The following RSKR variants were observed in gnomAD, a reference collection of about 807,000 sequenced individuals.
The protein encoded by RSKR is ribosomal protein S6 kinase-related protein.
RSKR carries 44 observed loss-of-function variants against 56.8 expected under a neutral mutation model. The observed-to-expected ratio is 0.77, with a 90% CI of 0.61 to 1.00. The LOEUF is 1.00. Ranked by LOEUF, RSKR falls within the 50% of genes least tolerant of loss-of-function variation. RSKR has a pLI of 0.00. For synonymous variants in RSKR, 181 were observed against 188.0 expected (o/e 0.96, Z 0.30); for missense variants, 510 against 506.9 (o/e 1.01, Z -0.06).
At chr17:28,612,922 TGAGAGCTGATACTTTTC>T in intron 4 of RSKR, 139 bp downstream of exon 4, 1 of 840,700 alleles carries the variant, frequency 1.2e-6, no homozygotes, top group East Asian at 2.5e-5. Flanking sequence ...AAAACTGTGT[TGAGAGCTGATACTTTTC>T]CCAGGATCTA....
rs748847412 is a variant in RSKR, at chr17:28,613,352, A to T, written c.325-7T>A. 3.1e-6 allele frequency: 5 copies of T among 1,614,220 alleles called. No individual in the cohort carries two copies. Among genetic ancestry groups the T allele is most frequent in the Non-Finnish European group, 2.5e-6 (3 of 1,180,038 alleles). On this transcript the variant is annotated splice_region_variant and splice_polypyrimidine_tract_variant and intron_variant, in intron 2 of 11. Transcript: ENST00000301037. Reference sequence around the variant, plus strand: ...TAGCCACGAGGCCTAAAATCTGTACAGAGGAATGGAGAACAGGCCAGTTGA... The same window carrying T: ...TAGCCACGAGGCCTAAAATCTGTACTGAGGAATGGAGAACAGGCCAGTTGA...
chr17:28,611,023 T>C, intron 11 of RSKR, 120 bp downstream of exon 11: 1 of 850,740 alleles, frequency 1.2e-6, no homozygotes, highest in Non-Finnish European at 1.8e-6. Context: ...AGTAGTTAGG[T>C]AGTTAAGTTG....
At chr17:28,612,737 T>TA in intron 4 of RSKR, 50 bp from the exon 5 acceptor site, 1 of 1,577,842 alleles carries the variant, frequency 6.3e-7, no homozygotes, top group Non-Finnish European at 8.7e-7. Context: ...TCATTGAGAA[T>TA]AAAGGCAGCT....
At chr17:28,612,388 A>G (rs1426677647) in intron 5 of RSKR, 22 bp from the exon 6 acceptor site, 1 of 1,609,104 alleles carries the variant, frequency 6.2e-7, no homozygotes, top group Admixed American at 1.7e-5. Flanking sequence ...GTGTGGAGCT[A>G]CATACATTGC....
chr17:28,611,905 CA>C, intron 7 of RSKR, 110 bp from the exon 8 acceptor site: 1 of 1,611,112 alleles, frequency 6.2e-7, no homozygotes, highest in Non-Finnish European at 8.5e-7. Flanking sequence ...AATCTATACT[CA>C]GAGAGCCCTT....
Position 28,612,653 on chromosome 17 carries a change from C to G in RSKR, c.512G>C (p.Gly171Ala). 1 of 1,614,124 alleles carries G rather than the reference C, an allele frequency of 6.2e-7. No individual in the cohort carries two copies. The highest frequency in any genetic ancestry group is 8.5e-7 in the Non-Finnish European group (1 of 1,180,026). Residue 171 changes from glycine to alanine, a missense_variant, in exon 5 of 12, where the codon GGG becomes GCG. Physicochemically the swap from Gly to Ala is moderately conservative, Grantham distance 60. Coordinates refer to ENST00000301037, the MANE Select transcript of RSKR (RefSeq NM_001174103.2). ...QINHPFVHSL[G>A]DSWQGKRHLF... ...GTGCCGTTTTCCCTGCCAGCTGTCC[C>G]CCAAGCTGTGTACAAAGGGATGGTT... is the stretch of plus-strand genomic sequence containing the variant.
intron 4 of RSKR, 61 bp downstream of exon 4, chr17:28,613,017 G>A: frequency 6.4e-7 from 1 of 1,562,376 alleles, no homozygotes; most frequent in African/African-American, 1.4e-5. Context: ...GGGCAAGAAA[G>A]GTACTTTCCC....
chr17:28,613,807 G>C, intron 1 of RSKR, 119 bp from the exon 2 acceptor site: 2 of 1,410,232 alleles, frequency 1.4e-6, no homozygotes. Flanking sequence ...TTTTGAGCAT[G>C]AGGCAAAATT....
chr17:28,611,192 G>C lies in RSKR; in HGVS notation c.962C>G (p.Ser321Cys), dbSNP rs754608879. Residue 321 changes from serine to cysteine, a missense_variant, in exon 11 of 12, where the codon TCT (serine) becomes TGT (cysteine). Ser to Cys is a moderately radical substitution (Grantham distance 112, BLOSUM62 -1). Transcript: ENST00000301037. The stretch of plus-strand genomic sequence containing the variant: ...CTGGTTAAGAGAAGCTGGGATCTCA[G>C]AGTCACTGTGGGTCACACTTGCCAA... ...AMLASVTHSD[S>C]EIPASLNQGL... 2.0e-6 allele frequency: 3 copies of C among 1,536,180 alleles called. No individual in the cohort carries two copies. The South Asian group carries it at 3.6e-5, about 18-fold the overall frequency.
Position 28,613,564 on chromosome 17 carries a change from T to A in RSKR, c.200A>T (p.Glu67Val), listed in dbSNP as rs1212771442. The change falls in exon 2 of 12, where the codon GAA becomes GTA. Residue 67 changes from glutamate to valine, a missense_variant. Physicochemically the swap from Glu to Val is moderately radical, Grantham distance 121. Coordinates refer to ENST00000301037, the MANE Select transcript of RSKR (RefSeq NM_001174103.2). Reference protein sequence around the residue: ...ELRGHHYLHQESLKPAPVLVE... With the variant: ...ELRGHHYLHQVSLKPAPVLVE... The stretch of plus-strand genomic sequence containing the variant: ...CAGTACTGGGGCTGGCTTTAGGGAT[T>A]CCTGGTGCAGATAGTGGTGCCCCCG... The A allele has an allele frequency of 1.2e-6, 2 of 1,614,082 alleles. No homozygotes were observed. Among genetic ancestry groups the A allele is most frequent in the Non-Finnish European group, 8.5e-7 (1 of 1,180,054 alleles).
In RSKR at chr17:28,614,086, C is replaced by T. The variant is rs1250870621; in HGVS notation, c.75+1G>A. The T allele has an allele frequency of 3.7e-6, 6 of 1,613,008 alleles. No individual in the cohort carries two copies. Among genetic ancestry groups the T allele is most frequent in the Non-Finnish European group, 2.5e-6 (3 of 1,179,516 alleles). On this transcript the variant is annotated splice_donor_variant, in intron 1 of 11. Coordinates refer to ENST00000301037, the MANE Select transcript of RSKR (RefSeq NM_001174103.2). LOFTEE classifies it high-confidence loss of function. ...TAGGCTGCCAGAGCCCCACAGCCTA[C>T]CTTGTGAGGGACAGCCACCCGGGTG...
chr17:28,613,066 C>A lies in RSKR; in HGVS notation c.477+12G>T. Reference sequence around the variant, plus strand: ...GCTCTTCCCACAATCCTTTCCAGGACTCTGTGCATACCTGGATGCTAACCT... The same window carrying A: ...GCTCTTCCCACAATCCTTTCCAGGAATCTGTGCATACCTGGATGCTAACCT... On this transcript the variant is annotated intron_variant, in intron 4 of 11. Transcript: ENST00000301037. The A allele has an allele frequency of 6.2e-7, 1 of 1,613,794 alleles. No homozygotes were observed.
chr17:28,614,037 CAT>C, intron 1 of RSKR, 48 bp downstream of exon 1: 1 of 1,595,934 alleles, frequency 6.3e-7, no homozygotes, highest in Non-Finnish European at 8.6e-7. Flanking sequence ...GACTCAAGCC[CAT>C]GTCTCCCTCT....
chr17:28,613,471 A>C lies in RSKR; in HGVS notation c.293T>G (p.Ile98Ser). ...FINLFLPEFP[I>S]RPIRGQQQLK... ...CTGCTGCTGCCCCCTAATGGGCCTA[A>C]TGGGAAACTCTGGTAGAAAGAGGTT... is the stretch of plus-strand genomic sequence containing the variant. Residue 98 changes from isoleucine to serine, a missense_variant, in exon 2 of 12, where the codon ATT (isoleucine) becomes AGT (serine). Ile to Ser is a moderately radical substitution (Grantham distance 142, BLOSUM62 -2). Coordinates refer to ENST00000301037, the MANE Select transcript of RSKR (RefSeq NM_001174103.2). The C allele has an allele frequency of 6.2e-7, 1 of 1,614,178 alleles. No individual in the cohort carries two copies. Among genetic ancestry groups the C allele is most frequent in the Non-Finnish European group, 8.5e-7 (1 of 1,180,020 alleles).
chr17:28,611,256 G>T lies in RSKR; in HGVS notation c.901-3C>A. 1 of 1,535,734 alleles carries T rather than the reference G, an allele frequency of 6.5e-7. No individual in the cohort carries two copies. The highest frequency in any genetic ancestry group is 8.7e-7 in the Non-Finnish European group (1 of 1,146,416). On this transcript the variant is annotated splice_region_variant and splice_polypyrimidine_tract_variant and intron_variant, in intron 10 of 11. Coordinates refer to ENST00000301037, the MANE Select transcript of RSKR (RefSeq NM_001174103.2). ...TCTCTCTCTGCAGCCACTGGAAACT[G>T]AGTTAAGAGGTAGGGAGTGGAGGTA... is the stretch of plus-strand genomic sequence containing the variant.
At position 28,608,238 on chromosome 17, in the gene RSKR, A is replaced by C. The variant is rs1194323872; in HGVS notation, c.*2240T>G. On this transcript the variant is annotated 3_prime_UTR_variant, in exon 12 of 12. Coordinates refer to ENST00000301037, the MANE Select transcript of RSKR (RefSeq NM_001174103.2). ...GAATATTTAGTGTCCTTAAGGTAAA[A>C]ACCAAACAGCAATTCAGGAAAAGCA... 2 of 152,218 alleles carry C rather than the reference A, an allele frequency of 1.3e-5. No homozygotes were observed. The highest frequency in any genetic ancestry group is 2.9e-5 in the Non-Finnish European group (2 of 68,034). 9.4% of individuals were successfully genotyped at this position (152,218 alleles called of 1,614,324 possible).
At chr17:28,613,415 C>G (rs753689546) in intron 2 of RSKR, 25 bp downstream of exon 2, 1 of 1,614,064 alleles carries the variant, frequency 6.2e-7, no homozygotes, top group African/African-American at 1.3e-5. Context: ...GACTGAGACC[C>G]CACTCAGGGA....
In RSKR at chr17:28,611,233, T is replaced by C; in HGVS notation, c.921A>G (p.Arg307=). The change falls in exon 11 of 12, where the codon AGA becomes AGG. Residue 307 remains arginine (R), a synonymous_variant. Transcript: ENST00000301037. ...ATGKFPVAAE[R]DHVAMLASVT... Reference sequence around the variant, plus strand: ...CACTTGCCAACATGGCCACATGATCTCTCTCTGCAGCCACTGGAAACTGAG... The same window carrying C: ...CACTTGCCAACATGGCCACATGATCCCTCTCTGCAGCCACTGGAAACTGAG... 1 of 1,536,142 alleles carries C rather than the reference T, an allele frequency of 6.5e-7. No individual in the cohort carries two copies. The highest frequency in any genetic ancestry group is 1.2e-5 in the South Asian group (1 of 84,066).
intron 4 of RSKR, 89 bp from the exon 5 acceptor site, chr17:28,612,776 G>A: frequency 8.0e-7 from 1 of 1,249,724 alleles, no homozygotes; most frequent in Non-Finnish European, 1.2e-6. Flanking sequence ...CAGATGTGCA[G>A]AGGGGGAACT....
Sources: gnomAD v4.1 joint callset for allele counts on GRCh38, gnomAD v4.1.1 for gene constraint, MANE v1.5 for transcripts, NCBI Gene and HGNC (gene_info 2026-07-23, HGNC 2026-07-21) for gene names.